Variants in GNA13 observed in about 807,000 individuals in gnomAD.
GNA13 encodes the protein G protein subunit alpha 13.
A neutral mutation model predicts 33.5 loss-of-function variants in GNA13; 4 were observed. The ratio of observed to expected loss-of-function variants is 0.12; its 90% CI spans 0.06 to 0.27. The LOEUF is 0.27. GNA13 is among the 10% of genes least tolerant of loss of function. The pLI is 1.00. For missense variants in GNA13, 319 were observed against 487.2 expected (o/e 0.65, Z 3.25); for synonymous variants, 176 against 183.8 (o/e 0.96, Z 0.34).
At chr17:65,025,244 C>T (rs1015188872) in intron 2 of GNA13, among the ~76,000 whole-genome samples, 4 of 152,144 alleles carry the variant, frequency 2.6e-5, no homozygotes, top group Middle Eastern at 3.2e-3. Flanking sequence ...TAATTCACCA[C>T]GTCTCACAAG....
chr17:65,052,234 G>C (rs1279837593), intron 2 of GNA13: 1 of 152,180 alleles, frequency 6.6e-6, no homozygotes, highest in East Asian at 1.9e-4. Context: ...GCTTACCGCA[G>C]CCTCCGCTTC....
In GNA13 at chr17:65,011,552, TA is replaced by T. The variant is rs1906190029; in HGVS notation, c.*2704del. 1 of 206,550 alleles carries T rather than the reference TA, an allele frequency of 4.8e-6. No homozygotes were observed. Among genetic ancestry groups the T allele is most frequent in the Non-Finnish European group, 9.9e-6 (1 of 101,042 alleles). 12.8% of individuals were successfully genotyped at this position (206,550 alleles called of 1,614,324 possible). Reference sequence around the variant, plus strand: ...CCCTTTCTCTATAAAAGTTATGGTCTAAATTTATGTTGTTTTATAAGGCAAC... The same window carrying T: ...CCCTTTCTCTATAAAAGTTATGGTCTAATTTATGTTGTTTTATAAGGCAAC... On this transcript the variant is annotated 3_prime_UTR_variant, in exon 4 of 4. Coordinates refer to ENST00000439174, the MANE Select transcript of GNA13 (RefSeq NM_006572.6).
chr17:65,037,177 T>A (rs755954344), intron 2 of GNA13, among the ~76,000 whole-genome samples: 1 of 151,938 alleles, frequency 6.6e-6, no homozygotes, highest in Non-Finnish European at 1.5e-5. Context: ...TCTTATGAAC[T>A]AATATTTAAT....
rs1906281044 is a variant in GNA13 at position 65,014,074 on chromosome 17, G to A, written c.*183C>T. 3.5e-6 allele frequency: 2 copies of A among 563,392 alleles called. No individual in the cohort carries two copies. The highest frequency in any genetic ancestry group is 6.3e-6 in the Non-Finnish European group (2 of 317,830). 34.9% of individuals were successfully genotyped at this position (563,392 alleles called of 1,614,324 possible). ...CTGCATTACAGCAAATCTTGGCGAT[G>A]AGTCACTCAACAGCTTTCAGCCACA... On this transcript the variant is annotated 3_prime_UTR_variant, in exon 4 of 4. Coordinates refer to ENST00000439174, the MANE Select transcript of GNA13 (RefSeq NM_006572.6). This position sits in a 1 kb window ranked among gnomAD's most constrained non-coding sequence, Gnocchi z 5.3.
Position 65,009,595 on chromosome 17 carries a change from G to A in GNA13, c.*4662C>T, listed in dbSNP as rs1231811116. Among the ~76,000 whole-genome samples the A allele has an allele frequency of 6.6e-6, 1 of 152,062 alleles. No homozygotes were observed. Among genetic ancestry groups the A allele is most frequent in the African/African-American group, 2.4e-5 (1 of 41,392 alleles). On this transcript the variant is annotated 3_prime_UTR_variant, in exon 4 of 4. Coordinates refer to ENST00000439174, the MANE Select transcript of GNA13 (RefSeq NM_006572.6). ...TCCTAAGCCACAAATATTTTATAGA[G>A]CTAATACGAGTCATGTTTTGTTAGG...
At chr17:65,023,074 C>T (rs995299216) in intron 2 of GNA13, among the ~76,000 whole-genome samples, 2 of 152,174 alleles carry the variant, frequency 1.3e-5, no homozygotes, top group Non-Finnish European at 2.9e-5. Flanking sequence ...TGTGGAAGAG[C>T]TACGTGTGAG....
intron 1 of GNA13, chr17:65,055,450 T>A (rs1422031548): frequency 5.5e-6 from 1 of 182,532 alleles, no homozygotes; most frequent in African/African-American, 2.4e-5. Context: ...CTGTACAGGA[T>A]CCACATGACT....
rs145051963 is a variant in GNA13, at chr17:65,037,777, G to GAAAAAAAAAAAAAAAAAAA, written c.510+15724_510+15725insTTTTTTTTTTTTTTTTTTT. Among the ~76,000 whole-genome samples the GAAAAAAAAAAAAAAAAAAA allele has an allele frequency of 1.5e-4, 12 of 82,062 alleles. 2 individuals are homozygous for GAAAAAAAAAAAAAAAAAAA. Among genetic ancestry groups the GAAAAAAAAAAAAAAAAAAA allele is most frequent in the Admixed American group, 1.9e-4 (1 of 5,162 alleles). The allele number at this position is 82,062 out of a possible 152,430, so 53.8% of individuals were successfully genotyped here. ...AGAGAGACCCAGCCTCTACAAAAAT[G>GAAAAAAAAAAAAAAAAAAA]GAAAAAAAAAAAAAAAAAAAAAAGA... On this transcript the variant is annotated intron_variant, in intron 2 of 3. Coordinates refer to ENST00000439174, the MANE Select transcript of GNA13 (RefSeq NM_006572.6).
At chr17:65,051,070 T>G (rs1386713891) in intron 2 of GNA13, among the ~76,000 whole-genome samples, 1 of 152,144 alleles carries the variant, frequency 6.6e-6, no homozygotes, top group East Asian at 1.9e-4. Context: ...GCTTCCAAAT[T>G]AAAAAACTGT....
intron 2 of GNA13, among the ~76,000 whole-genome samples, chr17:65,022,384 T>C (rs1367557224): frequency 6.7e-6 from 1 of 150,070 alleles, no homozygotes; most frequent in Admixed American, 6.7e-5. Context: ...GTCACCAGTA[T>C]TGCCACACCA....
chr17:65,030,867 A>T (rs1246825757), intron 2 of GNA13, among the ~76,000 whole-genome samples: 3 of 152,166 alleles, frequency 2.0e-5, no homozygotes, highest in Admixed American at 6.5e-5. Context: ...AAAAGTACCC[A>T]ATTTTTATGT....
At position 65,029,144 on chromosome 17, in the gene GNA13, A is replaced by G. The variant is rs373378800; in HGVS notation, c.511-10841T>C. On this transcript the variant is annotated intron_variant, in intron 2 of 3. Transcript: ENST00000439174. The stretch of plus-strand genomic sequence containing the variant: ...AACTACCTAAAACAGGAGAAATATA[A>G]TAGTATCTGATAAAATGCTGAATTA... 2.0e-5 allele frequency among the ~76,000 whole-genome samples: 3 copies of G among 152,340 alleles called. 1 individual carries two copies. Among genetic ancestry groups the G allele is most frequent in the African/African-American group, 7.2e-5 (3 of 41,580 alleles).
At chr17:65,039,255 TGAC>T (rs1907372509) in intron 2 of GNA13, among the ~76,000 whole-genome samples, 1 of 152,206 alleles carries the variant, frequency 6.6e-6, no homozygotes, top group Non-Finnish European at 1.5e-5. Context: ...AGCCACCAAC[TGAC>T]GACAAGCTGC....
intron 2 of GNA13, among the ~76,000 whole-genome samples, chr17:65,022,274 T>C (rs1449196416): frequency 6.6e-6 from 1 of 151,266 alleles, no homozygotes; most frequent in Non-Finnish European, 1.5e-5. Context: ...AGGTGAGGAG[T>C]GGAGACTGAG....
At chr17:65,022,812 G>C (rs141903750) in intron 2 of GNA13, among the ~76,000 whole-genome samples, 1 of 152,228 alleles carries the variant, frequency 6.6e-6, no homozygotes, top group African/African-American at 2.4e-5. Context: ...ATGTTTGATT[G>C]TAACAGCTGA....
intron 2 of GNA13, among the ~76,000 whole-genome samples, chr17:65,049,056 A>G (rs926951619): frequency 2.0e-5 from 3 of 152,186 alleles, no homozygotes; most frequent in Non-Finnish European, 4.4e-5. Context: ...TTATAGAAAT[A>G]ATCCATATTT....
intron 2 of GNA13, among the ~76,000 whole-genome samples, chr17:65,031,942 G>C (rs914160505): frequency 6.9e-6 from 1 of 145,780 alleles, no homozygotes; most frequent in Non-Finnish European, 1.5e-5. Flanking sequence ...GTGTGTGTGT[G>C]TGTGTGTGTG....
At chr17:65,056,181 C>T in intron 1 of GNA13, 130 bp downstream of exon 1, 1 of 716,060 alleles carries the variant, frequency 1.4e-6, no homozygotes, top group Non-Finnish European at 2.0e-6. Flanking sequence ...CGCCCCCTTC[C>T]CGCCAGCCCG....
At chr17:65,050,642 G>C (rs1365473340) in intron 2 of GNA13, among the ~76,000 whole-genome samples, 1 of 152,062 alleles carries the variant, frequency 6.6e-6, no homozygotes, top group Non-Finnish European at 1.5e-5. Context: ...TGAAGCTGGA[G>C]AATCACTTGA....
Sources: allele counts gnomAD v4.1 joint callset (sites outside exome capture counted in the v4.1 genomes callset), GRCh38; gene constraint gnomAD v4.1.1; non-coding constraint Gnocchi (gnomAD v3.1); transcripts MANE v1.5; gene names NCBI Gene and HGNC (gene_info 2026-07-23, HGNC 2026-07-21).